Variants in EHBP1 observed in about 807,000 individuals in gnomAD.
The protein encoded by EHBP1 is EH domain-binding protein 1.
Under a neutral mutation model 144.0 loss-of-function variants are expected in EHBP1, and 55 were observed. The ratio of observed to expected loss-of-function variants is 0.38; its 90% CI spans 0.31 to 0.48. The LOEUF (loss-of-function observed/expected upper bound fraction) is 0.48, where lower values mean the gene tolerates loss of function less well. Among genes scored for constraint, EHBP1 ranks in the 20% least tolerant of loss-of-function variants. The pLI, the probability that EHBP1 is intolerant of heterozygous loss-of-function variation, is 0.98. For synonymous variants in EHBP1, 469 were observed against 472.7 expected, an observed-to-expected ratio of 0.99 and a Z score of 0.10; for missense variants, 1,200 against 1,364.2, an observed-to-expected ratio of 0.88 and a Z score of 1.90.
rs71410971 is a variant in EHBP1, at chr2:62,889,047, C to CTTTTTTTT, written c.1185+14542_1185+14549dup. Among the ~76,000 whole-genome samples, 49 of 39,724 alleles carry CTTTTTTTT rather than the reference C, an allele frequency of 1.2e-3. 9 individuals carry two copies. Among genetic ancestry groups the CTTTTTTTT allele is most frequent in the Admixed American group, 5.5e-3 (11 of 2,012 alleles). The allele number at this position is 39,724 out of a possible 152,430, so 26.1% of individuals were successfully genotyped here. On this transcript the variant is annotated intron_variant, in intron 10 of 22. Transcript: ENST00000431489. The stretch of plus-strand genomic sequence containing the variant: ...TCATAAATTTTGGCAGTAGGTACCT[C>CTTTTTTTT]TTTTTTTTTTTTTTTTTTTTTTTTT...
chr2:62,925,782 C>G (rs190875215), intron 10 of EHBP1, among the ~76,000 whole-genome samples: 1 of 152,092 alleles, frequency 6.6e-6, no homozygotes, highest in Non-Finnish European at 1.5e-5. Flanking sequence ...GGAAAGTCAT[C>G]CCAACCTCAT....
At chr2:62,829,541 T>C (rs954403814) in intron 6 of EHBP1, among the ~76,000 whole-genome samples, 7 of 150,282 alleles carry the variant, frequency 4.7e-5, no homozygotes, top group Non-Finnish European at 1.0e-4. Flanking sequence ...CATTATTTTG[T>C]TCCTTTTTAA....
At chr2:62,693,358 G>C (rs2033974266) in intron 1 of EHBP1, among the ~76,000 whole-genome samples, 1 of 151,878 alleles carries the variant, frequency 6.6e-6, no homozygotes, top group Non-Finnish European at 1.5e-5. Flanking sequence ...CTGATTTCCT[G>C]CCAATTTTTA....
intron 10 of EHBP1, among the ~76,000 whole-genome samples, chr2:62,917,849 C>T (rs2054761264): frequency 6.6e-6 from 1 of 151,472 alleles, no homozygotes; most frequent in Admixed American, 6.6e-5. Flanking sequence ...ACTTTGATTT[C>T]TGATTTATTC....
chr2:62,689,369 G>A (rs192812616), intron 1 of EHBP1, among the ~76,000 whole-genome samples: 2 of 152,342 alleles, frequency 1.3e-5, no homozygotes, highest in East Asian at 1.9e-4. Flanking sequence ...TAGGCTTGGT[G>A]TGGTGGCTCA....
intron 19 of EHBP1, among the ~76,000 whole-genome samples, chr2:63,009,206 A>G (rs1429350035): frequency 6.6e-6 from 1 of 151,706 alleles, no homozygotes; most frequent in African/African-American, 2.4e-5. Flanking sequence ...TTTGATTCCC[A>G]AGAGAATACT....
chr2:62,681,144 C>G (rs962698127), intron 1 of EHBP1, among the ~76,000 whole-genome samples: 1 of 150,974 alleles, frequency 6.6e-6, no homozygotes, highest in Admixed American at 6.6e-5. Flanking sequence ...GAAACCCCGT[C>G]TCTACTAAAA....
intron 1 of EHBP1, among the ~76,000 whole-genome samples, chr2:62,678,326 G>A: frequency 6.6e-6 from 1 of 152,088 alleles, no homozygotes; most frequent in African/African-American, 2.4e-5. Context: ...TTTTTGATAG[G>A]ATTATTAGAC....
At chr2:62,870,639 C>A (rs893490758) in intron 9 of EHBP1, among the ~76,000 whole-genome samples, 2 of 146,198 alleles carry the variant, frequency 1.4e-5, no homozygotes, top group African/African-American at 2.6e-5. Context: ...TCGCTTGAAT[C>A]TGGGAGGTGG....
chr2:62,868,681 T>C (rs1261907043), intron 9 of EHBP1, among the ~76,000 whole-genome samples: 1 of 152,128 alleles, frequency 6.6e-6, no homozygotes, highest in Admixed American at 6.6e-5. Context: ...GGTGCAGTGG[T>C]TCATGCCTGT....
chr2:62,911,348 A>G (rs2054201193), intron 10 of EHBP1, among the ~76,000 whole-genome samples: 1 of 152,192 alleles, frequency 6.6e-6, no homozygotes, highest in Non-Finnish European at 1.5e-5. Context: ...TACTGCTATT[A>G]TTATTGTTGT....
chr2:62,703,429 CT>C (rs1209254134), upstream of EHBP1, among the ~76,000 whole-genome samples: 1 of 152,056 alleles, frequency 6.6e-6, no homozygotes, highest in East Asian at 1.9e-4. Context: ...ATTTAATATT[CT>C]TCAATAAATT....
At chr2:62,809,618 A>G (rs1558709149) in intron 5 of EHBP1, among the ~76,000 whole-genome samples, 1 of 152,300 alleles carries the variant, frequency 6.6e-6, no homozygotes, top group East Asian at 1.9e-4. Context: ...TAGTGAGGAT[A>G]GTACCCAATA....
At chr2:62,734,514 C>T (rs999497104) in intron 2 of EHBP1, among the ~76,000 whole-genome samples, 2 of 151,616 alleles carry the variant, frequency 1.3e-5, no homozygotes, top group African/African-American at 2.4e-5. Flanking sequence ...TATTTGTCTA[C>T]ATCTACTTAC....
chr2:62,904,787 T>C (rs1387800732), intron 10 of EHBP1, among the ~76,000 whole-genome samples: 2 of 152,204 alleles, frequency 1.3e-5, no homozygotes, highest in Non-Finnish European at 2.9e-5. Context: ...TTTTGTTTTT[T>C]CTTTTTTTGC....
At chr2:62,901,740 C>T (rs376733304) in intron 10 of EHBP1, among the ~76,000 whole-genome samples, 7 of 151,602 alleles carry the variant, frequency 4.6e-5, no homozygotes, top group African/African-American at 1.2e-4. Context: ...CCGAGGTAGA[C>T]GGATCATTTG....
At chr2:63,042,216 A>C (rs1318701071) in intron 21 of EHBP1, among the ~76,000 whole-genome samples, 1 of 152,170 alleles carries the variant, frequency 6.6e-6, no homozygotes, top group Non-Finnish European at 1.5e-5. Context: ...GCGAATGTGA[A>C]TCTTGATCAA....
At chr2:62,886,375 A>G (rs1020095348) in intron 10 of EHBP1, among the ~76,000 whole-genome samples, 1 of 152,228 alleles carries the variant, frequency 6.6e-6, no homozygotes, top group Non-Finnish European at 1.5e-5. Context: ...TAAAATGCCA[A>G]GGTTCAATGA....
chr2:63,018,321 C>G (rs1013810534), intron 19 of EHBP1, among the ~76,000 whole-genome samples: 2 of 152,036 alleles, frequency 1.3e-5, no homozygotes, highest in Admixed American at 1.3e-4. Context: ...ATCATACTTT[C>G]AAGTCTTCTT....
Sources: gnomAD v4.1 joint callset for allele counts (sites outside exome capture counted in the v4.1 genomes callset) on GRCh38, gnomAD v4.1.1 for gene constraint, MANE v1.5 for transcripts, NCBI Gene and HGNC (gene_info 2026-07-23, HGNC 2026-07-21) for gene names.